Variants in CFAP161 observed in about 807,000 individuals in gnomAD.
CFAP161 encodes the protein cilia and flagella associated protein 161, also known as cilia- and flagella-associated protein 161.
CFAP161 carries 25 observed loss-of-function variants against 29.0 expected under a neutral mutation model. That is an observed-to-expected ratio of 0.86 (90% CI 0.63 to 1.20). The LOEUF is 1.20. Among genes scored for constraint, CFAP161 ranks in the 50% most tolerant of loss-of-function variants. The pLI is 0.00. For synonymous variants in CFAP161, 116 were observed against 137.4 expected (o/e 0.84, Z 1.09); for missense variants, 367 against 371.9 (o/e 0.99, Z 0.11).
intron 1 of CFAP161, among the ~76,000 whole-genome samples, chr15:81,106,822 T>C (rs1426335478): frequency 6.6e-6 from 1 of 152,134 alleles, no homozygotes; most frequent in Non-Finnish European, 1.5e-5. Flanking sequence ...TCCCAGGACT[T>C]TGGGAGGCCG....
intron 1 of CFAP161, among the ~76,000 whole-genome samples, chr15:81,106,520 C>T (rs189915356): frequency 3.0e-4 from 46 of 152,280 alleles, no homozygotes; most frequent in Admixed American, 3.9e-4. Flanking sequence ...ATCATTAGTT[C>T]CAGAAGCAAA....
upstream of CFAP161, chr15:81,134,151 C>T (rs934267817): frequency 3.0e-5 from 19 of 642,872 alleles, no homozygotes; most frequent in Non-Finnish European, 4.5e-5. Context: ...TGGAGGGCCA[C>T]AGACAGCCGC....
intron 1 of CFAP161, among the ~76,000 whole-genome samples, chr15:81,123,467 A>G (rs1385592566): frequency 6.6e-6 from 1 of 152,160 alleles, no homozygotes; most frequent in Non-Finnish European, 1.5e-5. Context: ...GAAGTTGGGT[A>G]GTGTGATGCC....
At chr15:81,131,833 G>A (rs1894714957), upstream of CFAP161, among the ~76,000 whole-genome samples, 1 of 151,920 alleles carries the variant, frequency 6.6e-6, no homozygotes, top group Non-Finnish European at 1.5e-5. Context: ...TACATATTCA[G>A]GCAGCTCAAG....
At chr15:81,107,921 CA>C (rs918714543) in intron 1 of CFAP161, among the ~76,000 whole-genome samples, 5 of 150,208 alleles carry the variant, frequency 3.3e-5, no homozygotes, top group African/African-American at 1.3e-4. Flanking sequence ...CCTCTTATCA[CA>C]TTTTTTTTTT....
At chr15:81,126,363 A>G (rs1894642046) in intron 1 of CFAP161, among the ~76,000 whole-genome samples, 1 of 152,098 alleles carries the variant, frequency 6.6e-6, no homozygotes, top group Non-Finnish European at 1.5e-5. Flanking sequence ...TTTAGCTTCA[A>G]GTGAGTTCAA....
At chr15:81,131,655 A>T (rs1894712599), upstream of CFAP161, among the ~76,000 whole-genome samples, 1 of 152,204 alleles carries the variant, frequency 6.6e-6, no homozygotes, top group Non-Finnish European at 1.5e-5. Flanking sequence ...AGAGAAAAAA[A>T]TGAAGAAAAA....
chr15:81,119,532 C>T (rs1392761447), intron 1 of CFAP161, among the ~76,000 whole-genome samples: 3 of 151,880 alleles, frequency 2.0e-5, no homozygotes, highest in Non-Finnish European at 4.4e-5. Flanking sequence ...ATAGCATACC[C>T]ATAATTGTAA....
chr15:81,144,149 G>A (rs564452059), intron 5 of CFAP161, among the ~76,000 whole-genome samples: 2 of 152,306 alleles, frequency 1.3e-5, no homozygotes, highest in South Asian at 4.1e-4. Flanking sequence ...TCTCACCTCT[G>A]GCTGCACGTT....
At chr15:81,105,086 T>G (rs1894344895) in intron 1 of CFAP161, among the ~76,000 whole-genome samples, 1 of 71,686 alleles carries the variant, frequency 1.4e-5, no homozygotes, top group Non-Finnish European at 3.9e-5. Context: ...GTCTTTCTTT[T>G]CTTTTCCCTC....
chr15:81,105,119 CCA>C (rs1894348467), intron 1 of CFAP161, among the ~76,000 whole-genome samples: 1 of 15,252 alleles, frequency 6.6e-5, no homozygotes, highest in Non-Finnish European at 1.9e-4. Context: ...CCTTTCTCCC[CCA>C]TACCTTTCTC....
chr15:81,138,056 A>C lies in CFAP161; in HGVS notation c.398A>C (p.His133Pro). 1 of 1,605,652 alleles carries C rather than the reference A, an allele frequency of 6.2e-7. No homozygotes were observed. Among genetic ancestry groups the C allele is most frequent in the Non-Finnish European group, 8.5e-7 (1 of 1,172,266 alleles). The change falls in exon 4 of 7, where the codon CAC becomes CCC. Residue 133 changes from histidine to proline, a missense_variant. Transcript: ENST00000286732. Reference protein sequence around the residue: ...GRNTFIILSVHRDATGQVLRY... With the variant: ...GRNTFIILSVPRDATGQVLRY... ...TACTTATTGTCCACTGACAGTGTAC[A>C]CAGAGATGCCACTGGTCAAGTCCTT... is the stretch of plus-strand genomic sequence containing the variant.
At chr15:81,139,012 A>G (rs1250376480) in intron 4 of CFAP161, among the ~76,000 whole-genome samples, 2 of 152,294 alleles carry the variant, frequency 1.3e-5, no homozygotes, top group African/African-American at 4.8e-5. Context: ...AGAAAACACA[A>G]TGCTGCCTGC....
intron 2 of CFAP161, among the ~76,000 whole-genome samples, chr15:81,128,671 G>A (rs1894671327): frequency 1.3e-5 from 2 of 151,950 alleles, no homozygotes; most frequent in South Asian, 4.1e-4. Context: ...TCTCATTAAT[G>A]TTGATATTTT....
chr15:81,113,721 C>T (rs924555859), intron 1 of CFAP161, among the ~76,000 whole-genome samples: 2 of 152,186 alleles, frequency 1.3e-5, no homozygotes, highest in African/African-American at 2.4e-5. Flanking sequence ...CCCAGCACCT[C>T]GATGTGTTCA....
intron 3 of CFAP161, among the ~76,000 whole-genome samples, chr15:81,137,587 T>A (rs566568989): frequency 6.6e-6 from 1 of 152,226 alleles, no homozygotes; most frequent in South Asian, 2.1e-4. Context: ...AAAAAAAGAA[T>A]ATATAGACAG....
chr15:81,125,734 A>G (rs2683245), intron 1 of CFAP161, among the ~76,000 whole-genome samples: 86,909 of 152,076 alleles, frequency 0.57, 26,107 homozygotes, highest in Non-Finnish European at 0.68. Context: ...TAAACACAGC[A>G]TACAACATGA....
chr15:81,111,333 A>G (rs921700413), intron 1 of CFAP161, among the ~76,000 whole-genome samples: 3 of 152,238 alleles, frequency 2.0e-5, no homozygotes, highest in Admixed American at 6.5e-5. Flanking sequence ...GGATTTGCCC[A>G]TTGCAGTGTC....
chr15:81,105,573 T>G (rs914199884), intron 1 of CFAP161, among the ~76,000 whole-genome samples: 2 of 151,908 alleles, frequency 1.3e-5, no homozygotes, highest in African/African-American at 4.8e-5. Context: ...CTGGAGAGGT[T>G]GGTTGGCAGA....
Sources: gnomAD v4.1 joint callset for allele counts (sites outside exome capture counted in the v4.1 genomes callset) on GRCh38, gnomAD v4.1.1 for gene constraint, MANE v1.5 for transcripts, NCBI Gene and HGNC (gene_info 2026-07-23, HGNC 2026-07-21) for gene names.